EDIL3: variants seen among roughly 807,000 people sequenced by gnomAD.
The protein encoded by EDIL3 is EGF-like repeat and discoidin I-like domain-containing protein 3.
Under a neutral mutation model 67.4 loss-of-function variants are expected in EDIL3, and 37 were observed. That is an observed-to-expected ratio of 0.55 (90% confidence interval 0.42 to 0.72). The LOEUF (loss-of-function observed/expected upper bound fraction) is 0.72. Ranked by LOEUF, EDIL3 falls within the 30% of genes least tolerant of loss-of-function variation. The probability of loss-of-function intolerance (pLI) is 0.00; values close to 1 mark genes in which losing one functional copy is unlikely to be tolerated. For synonymous variants in EDIL3, 195 were observed against 196.3 expected, an observed-to-expected ratio of 0.99 and a Z score of 0.05; for missense variants, 527 against 586.3, an observed-to-expected ratio of 0.90 and a Z score of 1.04.
At chr5:84,151,335 T>C (rs1283034086) in intron 4 of EDIL3, among the ~76,000 whole-genome samples, 1 of 150,772 alleles carries the variant, frequency 6.6e-6, no homozygotes, top group Non-Finnish European at 1.5e-5. Context: ...ACAGAACTAA[T>C]GAGGAACATT....
At chr5:84,008,099 CAG>C (rs1745453195) in intron 9 of EDIL3, among the ~76,000 whole-genome samples, 3 of 151,890 alleles carry the variant, frequency 2.0e-5, no homozygotes, top group Admixed American at 2.0e-4. Context: ...CTCCTGGAGA[CAG>C]AGAATAGAAT....
chr5:84,049,179 G>T (rs1289522433), intron 9 of EDIL3, among the ~76,000 whole-genome samples: 1 of 152,088 alleles, frequency 6.6e-6, no homozygotes, highest in Non-Finnish European at 1.5e-5. Context: ...GTTTTTATGT[G>T]CCAATGCCAA....
At chr5:84,074,021 C>G (rs1337821632) in intron 6 of EDIL3, among the ~76,000 whole-genome samples, 3 of 151,880 alleles carry the variant, frequency 2.0e-5, no homozygotes, top group African/African-American at 7.3e-5. Context: ...TGGAACAGAA[C>G]AGAGCCCTCA....
At chr5:84,074,043 G>A (rs576889610) in intron 6 of EDIL3, among the ~76,000 whole-genome samples, 14 of 151,886 alleles carry the variant, frequency 9.2e-5, no homozygotes, top group South Asian at 8.3e-4. Context: ...AAATAATGCC[G>A]CATATCTACA....
chr5:84,168,578 T>C (rs1014237736), intron 4 of EDIL3, among the ~76,000 whole-genome samples: 5 of 152,130 alleles, frequency 3.3e-5, no homozygotes, highest in African/African-American at 1.2e-4. Flanking sequence ...GCTGCCCACA[T>C]CTATAGTAAA....
chr5:84,024,178 C>T (rs1014305540), intron 9 of EDIL3, among the ~76,000 whole-genome samples: 62 of 152,166 alleles, frequency 4.1e-4, no homozygotes, highest in African/African-American at 1.4e-3. Flanking sequence ...ACTAAGCAGA[C>T]CATTCATAGA....
At position 84,341,408 on chromosome 5, in the gene EDIL3, A is replaced by G. The variant is rs943081007; in HGVS notation, c.67+42900T>C. On this transcript the variant is annotated intron_variant, in intron 1 of 10. Coordinates refer to ENST00000296591, the MANE Select transcript of EDIL3 (RefSeq NM_005711.5). ...TATACTCAGACAACTATGCCTGACT[A>G]TAAGTGAAAAAATTTACAAGAATCA... Among the ~76,000 whole-genome samples, 5 of 152,210 alleles carry G rather than the reference A, an allele frequency of 3.3e-5. 1 individual carries two copies. The highest frequency in any genetic ancestry group is 9.6e-5 in the African/African-American group (4 of 41,542).
chr5:84,313,215 A>G (rs1158376215), intron 1 of EDIL3, among the ~76,000 whole-genome samples: 3 of 152,256 alleles, frequency 2.0e-5, no homozygotes, highest in African/African-American at 7.2e-5. Flanking sequence ...AAGACAGAAC[A>G]TGCCAATTTA....
intron 3 of EDIL3, among the ~76,000 whole-genome samples, chr5:84,204,478 C>G (rs1743915906): frequency 6.6e-6 from 1 of 152,096 alleles, no homozygotes; most frequent in South Asian, 2.1e-4. Context: ...CATTGATATC[C>G]AACCTGTTCT....
At chr5:84,154,845 G>A (rs566939588) in intron 4 of EDIL3, among the ~76,000 whole-genome samples, 4 of 151,594 alleles carry the variant, frequency 2.6e-5, no homozygotes, top group Non-Finnish European at 5.9e-5. Context: ...GATTACAAGC[G>A]CCCGCCACCA....
chr5:84,061,905 G>T (rs920990859), intron 8 of EDIL3, among the ~76,000 whole-genome samples: 2 of 152,012 alleles, frequency 1.3e-5, no homozygotes, highest in African/African-American at 4.8e-5. Context: ...CTATAAAAGA[G>T]GTGCTTTAGA....
intron 10 of EDIL3, among the ~76,000 whole-genome samples, chr5:83,956,316 T>C (rs1744513227): frequency 6.6e-6 from 1 of 151,710 alleles, no homozygotes; most frequent in African/African-American, 2.4e-5. Context: ...GGAAGCATAA[T>C]ACTTTTTTAG....
chr5:84,216,610 C>T (rs1744230363), intron 3 of EDIL3, among the ~76,000 whole-genome samples: 1 of 152,114 alleles, frequency 6.6e-6, no homozygotes, highest in Non-Finnish European at 1.5e-5. Flanking sequence ...ATTTAGTGTT[C>T]TCCTCTTTAA....
At chr5:84,233,121 T>C (rs1744614981) in intron 2 of EDIL3, among the ~76,000 whole-genome samples, 1 of 152,120 alleles carries the variant, frequency 6.6e-6, no homozygotes, top group Non-Finnish European at 1.5e-5. Context: ...ATAAGTGTAT[T>C]GCTCCACTTG....
At chr5:84,327,254 T>A (rs1746781652) in intron 1 of EDIL3, among the ~76,000 whole-genome samples, 1 of 151,986 alleles carries the variant, frequency 6.6e-6, no homozygotes, top group Non-Finnish European at 1.5e-5. Flanking sequence ...AACTATTGAC[T>A]CAAATCTCAC....
intron 1 of EDIL3, among the ~76,000 whole-genome samples, chr5:84,347,191 T>C (rs566614378): frequency 3.9e-5 from 6 of 152,314 alleles, no homozygotes; most frequent in South Asian, 2.1e-4. Flanking sequence ...GAGTTAATTA[T>C]ATGAATAAAA....
rs1051248440 is a variant in EDIL3, at chr5:84,142,827, C to CA, written c.356-5474_356-5473insT. ...AGACAATGATAGACGGTGCCCCCCC[C>CA]CCCAAGCTTTTTTTTCTTTTGCGAA... On this transcript the variant is annotated intron_variant, in intron 4 of 10. Coordinates refer to ENST00000296591, the MANE Select transcript of EDIL3 (RefSeq NM_005711.5). Among the ~76,000 whole-genome samples, 98 of 147,052 alleles carry CA rather than the reference C, an allele frequency of 6.7e-4. 2 individuals carry two copies. Among genetic ancestry groups the CA allele is most frequent in the Admixed American group, 6.0e-3 (88 of 14,766 alleles).
Position 84,064,781 on chromosome 5 carries a change from C to A in EDIL3, c.871G>T (p.Ala291Ser), listed in dbSNP as rs1292758330. 1 of 1,613,686 alleles carries A rather than the reference C, an allele frequency of 6.2e-7. No homozygotes were observed. Among genetic ancestry groups the A allele is most frequent in the Admixed American group, 1.7e-5 (1 of 59,990 alleles). Residue 291 changes from alanine to serine, a missense_variant, in exon 8 of 11, where the codon GCT (alanine) becomes TCT (serine). By Grantham distance (99) the Ala-to-Ser change is moderately conservative. This residue lies in a region of EDIL3 where 494 missense variants were observed against 522.5 expected (regional missense o/e 0.95). Transcript: ENST00000296591. The stretch of plus-strand genomic sequence containing the variant: ...TGGGGATAGAGTCTTACATACTGAG[C>A]TTTTATGGGGGGTGTGAAAGAGTTA... ...YANSFTPPIK[A>S]QYVRLYPQVC... is the part of the protein sequence containing the mutation.
chr5:84,067,620 A>AC (rs1408982877), intron 6 of EDIL3, among the ~76,000 whole-genome samples: 1 of 152,170 alleles, frequency 6.6e-6, no homozygotes, highest in African/African-American at 2.4e-5. Context: ...AAATCTTCAG[A>AC]TTCATGTAAG....
Sources: gnomAD v4.1 joint callset for allele counts (sites outside exome capture counted in the v4.1 genomes callset) on GRCh38, gnomAD v4.1.1 for gene constraint, gnomAD v4.1.1 regional missense constraint, MANE v1.5 for transcripts, NCBI Gene and HGNC (gene_info 2026-07-23, HGNC 2026-07-21) for gene names.